CDH18: variants seen among roughly 807,000 people sequenced by gnomAD.
CDH18 encodes cadherin 18, also known as cadherin-18.
A neutral mutation model predicts 67.9 loss-of-function variants in CDH18; 31 were observed. The observed-to-expected ratio is 0.46, with a 90% CI of 0.34 to 0.62. CDH18 has a LOEUF of 0.62. Ranked by LOEUF, CDH18 falls within the 20% of genes least tolerant of loss-of-function variation. The probability of loss-of-function intolerance (pLI) is 0.01; values close to 1 mark genes in which losing one functional copy is unlikely to be tolerated. For missense variants in CDH18, 890 were observed against 975.5 expected, an observed-to-expected ratio of 0.91 and a Z score of 1.17; for synonymous variants, 362 against 347.2, an observed-to-expected ratio of 1.04 and a Z score of -0.48.
In CDH18 at chr5:19,662,154, T is replaced by A. The variant is rs550264361; in HGVS notation, c.644-49553A>T. 6.7e-4 allele frequency among the ~76,000 whole-genome samples: 101 copies of A among 151,632 alleles called. 1 individual carries two copies. The highest frequency in any genetic ancestry group is 1.3e-3 in the Non-Finnish European group (88 of 67,854). ...TTTTTAAAGATGACTTTTTTTTTTT[T>A]AAACAGCGTATATGTACAAAGGTTT... On this transcript the variant is annotated intron_variant, in intron 5 of 12. Coordinates refer to ENST00000382275, the MANE Select transcript of CDH18 (RefSeq NM_004934.5).
chr5:19,792,295 C>T (rs1776445215), intron 3 of CDH18, among the ~76,000 whole-genome samples: 1 of 152,142 alleles, frequency 6.6e-6, no homozygotes, highest in Non-Finnish European at 1.5e-5. Flanking sequence ...TTCATCTTCT[C>T]CTGCCCTCCG....
intron 1 of CDH18, among the ~76,000 whole-genome samples, chr5:20,502,410 T>A (rs1754391997): frequency 6.6e-6 from 1 of 152,168 alleles, no homozygotes; most frequent in Non-Finnish European, 1.5e-5. Context: ...TTAGTTCATG[T>A]CTTAATGAAA....
At chr5:19,570,473 C>G (rs1580266906) in intron 8 of CDH18, among the ~76,000 whole-genome samples, 1 of 152,068 alleles carries the variant, frequency 6.6e-6, no homozygotes, top group South Asian at 2.1e-4. Flanking sequence ...TTAACTGAAA[C>G]AGTCATGCTT....
chr5:20,514,212 C>A (rs562827510), intron 1 of CDH18, among the ~76,000 whole-genome samples: 1 of 152,194 alleles, frequency 6.6e-6, no homozygotes, highest in Admixed American at 6.5e-5. Flanking sequence ...TCATCTTCTT[C>A]ATTTCCAAAA....
chr5:19,529,478 G>A (rs1748258013), intron 9 of CDH18, among the ~76,000 whole-genome samples: 1 of 151,894 alleles, frequency 6.6e-6, no homozygotes, highest in African/African-American at 2.4e-5. Context: ...GTTATAGTTA[G>A]AGTAAATAGT....
chr5:20,467,845 T>C (rs997270488), intron 1 of CDH18, among the ~76,000 whole-genome samples: 16 of 152,142 alleles, frequency 1.1e-4, no homozygotes, highest in Non-Finnish European at 2.1e-4. Context: ...AAGGCGGTGA[T>C]GGCTGAAAGT....
chr5:20,155,651 GC>G (rs1751466677), intron 2 of CDH18, among the ~76,000 whole-genome samples: 1 of 151,926 alleles, frequency 6.6e-6, no homozygotes, highest in African/African-American at 2.4e-5. Context: ...CTTTGGTTAG[GC>G]CAATATACAA....
chr5:20,329,400 A>G (rs1738941157), intron 1 of CDH18, among the ~76,000 whole-genome samples: 1 of 152,216 alleles, frequency 6.6e-6, no homozygotes, highest in Non-Finnish European at 1.5e-5. Context: ...GGAACAAGTG[A>G]TAATAAATTA....
intron 1 of CDH18, among the ~76,000 whole-genome samples, chr5:20,296,122 C>T (rs1208925753): frequency 1.3e-5 from 2 of 151,810 alleles, no homozygotes; most frequent in African/African-American, 2.4e-5. Flanking sequence ...GATTCGCCCG[C>T]CTCAGCCTCC....
At chr5:20,224,260 G>A (rs1580519644) in intron 2 of CDH18, among the ~76,000 whole-genome samples, 2 of 151,850 alleles carry the variant, frequency 1.3e-5, no homozygotes, top group South Asian at 4.1e-4. Flanking sequence ...AACAACCACA[G>A]GTATTTAACA....
intron 11 of CDH18, among the ~76,000 whole-genome samples, chr5:19,501,242 T>A (rs1379848392): frequency 6.8e-6 from 1 of 148,092 alleles, no homozygotes; most frequent in African/African-American, 2.5e-5. Flanking sequence ...CAATTATATA[T>A]ATATAATTTT....
At chr5:19,792,859 AC>A (rs1432606531) in intron 3 of CDH18, among the ~76,000 whole-genome samples, 18 of 152,282 alleles carry the variant, frequency 1.2e-4, no homozygotes, top group African/African-American at 4.3e-4. Flanking sequence ...CTATGGTAGA[AC>A]TTTACTTCTA....
At chr5:19,710,365 C>T (rs1218824713) in intron 5 of CDH18, among the ~76,000 whole-genome samples, 2 of 152,110 alleles carry the variant, frequency 1.3e-5, no homozygotes, top group Non-Finnish European at 2.9e-5. Flanking sequence ...TCACACAATG[C>T]ACTAACCATT....
At chr5:20,523,101 G>A (rs757857885) in intron 1 of CDH18, among the ~76,000 whole-genome samples, 1 of 152,140 alleles carries the variant, frequency 6.6e-6, no homozygotes, top group Non-Finnish European at 1.5e-5. Context: ...TGCTTAATGT[G>A]TTTCATCTTT....
rs1268544685 is a variant in CDH18, at chr5:19,473,692, A to G, written c.1907T>C (p.Leu636Pro). The G allele has an allele frequency of 2.4e-5, 38 of 1,605,862 alleles. No individual in the cohort carries two copies. Among genetic ancestry groups the G allele is most frequent in the Non-Finnish European group, 3.1e-5 (36 of 1,175,948 alleles). ...CAAGGGCTCTTTTTTGCTGCGCCTC[A>G]GGGTGATAAAAAGTACCACAATTGC... ...LLAIVVLFIT[L>P]RRSKKEPLII... is the part of the protein sequence containing the mutation. The change falls in exon 13 of 13, where the codon CTG becomes CCG. Residue 636 changes from leucine (L) to proline (P), a missense_variant. Coordinates refer to ENST00000382275, the MANE Select transcript of CDH18 (RefSeq NM_004934.5).
intron 2 of CDH18, among the ~76,000 whole-genome samples, chr5:20,145,133 A>G (rs987405194): frequency 3.9e-5 from 6 of 152,144 alleles, no homozygotes; most frequent in African/African-American, 1.4e-4. Context: ...ACAAAACAAG[A>G]AAAAAATCTA....
intron 10 of CDH18, among the ~76,000 whole-genome samples, chr5:19,513,169 A>T (rs1287429425): frequency 3.3e-5 from 5 of 152,046 alleles, no homozygotes; most frequent in Non-Finnish European, 7.4e-5. Context: ...GTGCAGTGGC[A>T]GGATCACAGC....
chr5:20,181,641 G>A (rs1737695805), intron 2 of CDH18, among the ~76,000 whole-genome samples: 1 of 152,052 alleles, frequency 6.6e-6, no homozygotes, highest in South Asian at 2.1e-4. Flanking sequence ...TTTGACCTGT[G>A]GAAATGGCAG....
chr5:20,370,524 G>A (rs1742892835), intron 1 of CDH18, among the ~76,000 whole-genome samples: 2 of 152,234 alleles, frequency 1.3e-5, no homozygotes, highest in Admixed American at 1.3e-4. Context: ...TAAAATAATT[G>A]AAGGATTATT....
Sources: allele counts gnomAD v4.1 joint callset (sites outside exome capture counted in the v4.1 genomes callset), GRCh38; gene constraint gnomAD v4.1.1; transcripts MANE v1.5; gene names NCBI Gene and HGNC (gene_info 2026-07-23, HGNC 2026-07-21).